The following ADSS1 variants were observed in gnomAD, a reference collection of about 807,000 sequenced individuals.
The protein encoded by ADSS1 is adenylosuccinate synthetase isozyme 1.
Under a neutral mutation model 59.1 loss-of-function variants are expected in ADSS1, and 57 were observed. The observed-to-expected ratio is 0.97, with a 90% confidence interval of 0.78 to 1.20. The LOEUF is 1.20. Ranked by LOEUF, ADSS1 falls within the 50% of genes most tolerant of loss-of-function variation. The pLI, the probability that ADSS1 is intolerant of heterozygous loss-of-function variation, is 0.00. For synonymous variants in ADSS1, 247 were observed against 249.4 expected (o/e 0.99, Z 0.09); for missense variants, 603 against 610.3 (o/e 0.99, Z 0.13).
intron 1 of ADSS1, among the ~76,000 whole-genome samples, chr14:104,733,145 A>G (rs1890991143): frequency 6.6e-6 from 1 of 151,780 alleles, no homozygotes; most frequent in South Asian, 2.1e-4. Flanking sequence ...GTGCCCTCAG[A>G]CCACCCTCCC....
rs1424166799 is a variant in ADSS1 at position 104,734,979 on chromosome 14, A to G, written c.193-41A>G. The G allele has an allele frequency of 2.5e-6, 4 of 1,578,600 alleles. No individual in the cohort carries two copies. The African/African-American group carries it at 4.0e-5, about 16-fold the overall frequency. On this transcript the variant is annotated intron_variant, in intron 1 of 12. Transcript: ENST00000330877. ...GTCAGTCCATGTCCGGGGGGTCCTC[A>G]GTACCCAAGTGCCTTCAGCTCAGCC...
Position 104,740,683 on chromosome 14 carries a change from T to C in ADSS1, c.559T>C (p.Ser187Pro). Reference sequence around the variant, plus strand: ...AGGCCTCCGCATCTGCGACCTCCTGTCAGATTTTGATGAGTTTTCCTCCAG... The same window carrying C: ...AGGCCTCCGCATCTGCGACCTCCTGCCAGATTTTGATGAGTTTTCCTCCAG... ...RTGLRICDLL[S>P]DFDEFSSRFK... The change falls in exon 6 of 13, where the codon TCA (serine) becomes CCA (proline). Residue 187 changes from serine (S) to proline (P), a missense_variant. Transcript: ENST00000330877. The surrounding 1 kb of genome is among the most constrained non-coding windows in gnomAD (Gnocchi z 4.8). 6 of 1,613,616 alleles carry C rather than the reference T, an allele frequency of 3.7e-6. No homozygotes were observed. Among genetic ancestry groups the C allele is most frequent in the Non-Finnish European group, 5.1e-6 (6 of 1,179,944 alleles).
chr14:104,729,536 T>G (rs141756656), intron 1 of ADSS1, among the ~76,000 whole-genome samples: 532 of 28,162 alleles, frequency 0.019, 18 homozygotes, highest in South Asian at 0.087. Flanking sequence ...GTCGGCGTCG[T>G]GGGGAGGAGC....
chr14:104,743,828 G>A (rs889018526), intron 10 of ADSS1, among the ~76,000 whole-genome samples: 8 of 152,258 alleles, frequency 5.3e-5, no homozygotes, highest in African/African-American at 1.7e-4. Flanking sequence ...GTAGCTGAGG[G>A]TGTGGCGTCT....
At position 104,743,130 on chromosome 14, in the gene ADSS1, C is replaced by CGCT; in HGVS notation, c.1015_1017dup (p.Cys339dup). The CGCT allele has an allele frequency of 6.2e-7, 1 of 1,612,952 alleles. No individual in the cohort carries two copies. The highest frequency in any genetic ancestry group is 8.5e-7 in the Non-Finnish European group (1 of 1,179,996). ...GGGAGTGACCACAGGCAGGAAGAGG[C>CGCT]GCTGCGGCTGGCTCGACCTGATGAT... On this transcript the variant is annotated inframe_insertion, in exon 10 of 13. Transcript: ENST00000330877.
intron 2 of ADSS1, among the ~76,000 whole-genome samples, 173 bp downstream of exon 2, chr14:104,735,295 G>T (rs1407265188): frequency 6.6e-6 from 1 of 152,226 alleles, no homozygotes; most frequent in South Asian, 2.1e-4. Context: ...AACCTGCATA[G>T]CCCGGGCCTG....
chr14:104,746,246 GA>G lies in ADSS1; in HGVS notation c.1183del (p.Met395CysfsTer59), dbSNP rs1566804146. ...RIPYFPANQE[M>X]LQKVEVEYET... The stretch of plus-strand genomic sequence containing the variant: ...GTGTGCTTCCCCCAGCTAACCAGGA[GA>G]TGCTTCAGAAGGTCGAAGTTGAGTA... On this transcript the variant is annotated frameshift_variant, in exon 12 of 13. Coordinates refer to ENST00000330877, the MANE Select transcript of ADSS1 (RefSeq NM_152328.5). LOFTEE classifies it high-confidence loss of function. 1.2e-6 allele frequency: 2 copies of G among 1,608,808 alleles called. No homozygotes were observed. The highest frequency in any genetic ancestry group is 2.7e-5 in the African/African-American group (2 of 74,862).
intron 12 of ADSS1, among the ~76,000 whole-genome samples, 189 bp downstream of exon 12, chr14:104,746,574 C>A (rs886121000): frequency 1.3e-5 from 2 of 152,188 alleles, no homozygotes; most frequent in African/African-American, 4.8e-5. Flanking sequence ...GTGGGTGTGA[C>A]CTTGCCGGGA....
rs1891283244 is a variant in ADSS1 at position 104,740,054 on chromosome 14, C to G, written c.476+238C>G. ...GGCTGCCACTGCCACGCGGCTCCCC[C>G]CAGGAGTGCATAAGCCCTACCGTCA... On this transcript the variant is annotated intron_variant, in intron 5 of 12. Transcript: ENST00000330877. The surrounding 1 kb of genome is among the most constrained non-coding windows in gnomAD (Gnocchi z 4.8). Among the ~76,000 whole-genome samples the G allele has an allele frequency of 6.6e-6, 1 of 152,168 alleles. No homozygotes were observed. Among genetic ancestry groups the G allele is most frequent in the African/African-American group, 2.4e-5 (1 of 41,430 alleles).
chr14:104,730,629 C>T (rs916233155), intron 1 of ADSS1, among the ~76,000 whole-genome samples: 12 of 152,086 alleles, frequency 7.9e-5, no homozygotes, highest in Non-Finnish European at 1.3e-4. Context: ...TATAAAATGC[C>T]TGGAGGGACC....
At chr14:104,738,316 T>A in intron 2 of ADSS1, 60 bp from the exon 3 acceptor site, 1 of 1,574,302 alleles carries the variant, frequency 6.4e-7, no homozygotes, top group Non-Finnish European at 8.7e-7. Flanking sequence ...CTGTTCTTAA[T>A]GTATGTTTTC....
At chr14:104,724,513 C>A (rs528977755) in intron 1 of ADSS1, 51 bp downstream of exon 1, 5 of 1,211,834 alleles carry the variant, frequency 4.1e-6, no homozygotes, top group Non-Finnish European at 5.2e-6. Context: ...GAGCCCCCCT[C>A]CCCCGACCCA....
At chr14:104,746,601 A>C (rs578137886) in intron 12 of ADSS1, among the ~76,000 whole-genome samples, 1 of 152,348 alleles carries the variant, frequency 6.6e-6, no homozygotes, top group South Asian at 2.1e-4. Context: ...GCCTCTCCGC[A>C]TCCAGAACAA....
chr14:104,746,151 T>C (rs572263821), intron 11 of ADSS1, 85 bp from the exon 12 acceptor site: 1 of 1,512,310 alleles, frequency 6.6e-7, no homozygotes, highest in South Asian at 1.3e-5. Context: ...AGGCCCTGGA[T>C]GGGGGTGGCC....
chr14:104,730,063 C>T (rs1416773542), intron 1 of ADSS1: 3 of 1,564,966 alleles, frequency 1.9e-6, no homozygotes, highest in Non-Finnish European at 2.6e-6. Context: ...CTCAGCCCAC[C>T]CCTCACCTTC....
chr14:104,745,217 C>T (rs902115568), intron 11 of ADSS1: 1 of 326,228 alleles, frequency 3.1e-6, no homozygotes. Context: ...AGGAAAAGGC[C>T]CACCTGCAGG....
At chr14:104,734,299 A>C (rs1891038028) in intron 1 of ADSS1, among the ~76,000 whole-genome samples, 1 of 152,196 alleles carries the variant, frequency 6.6e-6, no homozygotes, top group African/African-American at 2.4e-5. Context: ...GCCAAGCAAA[A>C]GGCAGGAGGG....
At chr14:104,736,916 ATTTT>A (rs1419314352) in intron 2 of ADSS1, among the ~76,000 whole-genome samples, 1 of 127,778 alleles carries the variant, frequency 7.8e-6, no homozygotes, top group Non-Finnish European at 1.7e-5. Flanking sequence ...ATATATATGC[ATTTT>A]TTTTTTTTTA....
In ADSS1 at chr14:104,735,031, C is replaced by T. The variant is rs772660842; in HGVS notation, c.204C>T (p.Asn68=). 144 of 1,612,930 alleles carry T rather than the reference C, an allele frequency of 8.9e-5. No homozygotes were observed. Among genetic ancestry groups the T allele is most frequent in the Non-Finnish European group, 1.1e-4 (134 of 1,179,300 alleles). ...DIISRCQGGN[N]AGHTVVVDGK... is the part of the protein sequence containing the mutation. ...GGTTTCTGTTCCAGGGGGGCAACAA[C>T]GCCGGCCACACGGTGGTGGTGGATG... Residue 68 remains asparagine, a synonymous_variant, in exon 2 of 13, where the codon AAC becomes AAT. Coordinates refer to ENST00000330877, the MANE Select transcript of ADSS1 (RefSeq NM_152328.5).
Sources: gnomAD v4.1 joint callset for allele counts (sites outside exome capture counted in the v4.1 genomes callset) on GRCh38, gnomAD v4.1.1 for gene constraint, Gnocchi (gnomAD v3.1) non-coding constraint, MANE v1.5 for transcripts, NCBI Gene and HGNC (gene_info 2026-07-23, HGNC 2026-07-21) for gene names.